Variants in ABCB1 observed in about 807,000 individuals in gnomAD.
ABCB1 encodes the protein ATP binding cassette subfamily B member 1.
In ABCB1, 69 loss-of-function variants were observed where a neutral mutation model predicts 142.0. The ratio of observed to expected loss-of-function variants is 0.49; its 90% CI spans 0.40 to 0.59. The LOEUF is 0.59. ABCB1 is among the 20% of genes least tolerant of loss of function. ABCB1 has a pLI of 0.00. For synonymous variants in ABCB1, 532 were observed against 539.2 expected, an observed-to-expected ratio of 0.99 and a Z score of 0.18; for missense variants, 1,326 against 1,554.7, an observed-to-expected ratio of 0.85 and a Z score of 2.47.
Position 87,546,562 on chromosome 7 carries a change from A to T in ABCB1, c.1726-538T>A, listed in dbSNP as rs112489538. 4.0e-3 allele frequency among the ~76,000 whole-genome samples: 598 copies of T among 148,154 alleles called. 2 individuals carry two copies. The highest frequency in any genetic ancestry group is 0.012 in the African/African-American group (474 of 40,314). On this transcript the variant is annotated intron_variant, in intron 14 of 27. Transcript: ENST00000622132. ...CAGAGTGAGACTCCATCTCAAAAAA[A>T]AAAAATAAAAAATAAAAAAATAATA...
At position 87,509,413 on chromosome 7, in the gene ABCB1, G is replaced by A. The variant is rs1455949602; in HGVS notation, c.3351C>T (p.Ser1117=). ...TGCAGTCAAACAGGATGGGCTCCTG[G>A]GACACGATGCCCAGGTGTGCTCGGA... is the stretch of plus-strand genomic sequence containing the variant. ...QWLRAHLGIV[S]QEPILFDCSI... Residue 1117 remains serine (S), a synonymous_variant, in exon 26 of 28, where the codon TCC becomes TCT. Transcript: ENST00000622132. 3 of 1,613,988 alleles carry A rather than the reference G, an allele frequency of 1.9e-6. No individual in the cohort carries two copies. Among genetic ancestry groups the A allele is most frequent in the Non-Finnish European group, 2.5e-6 (3 of 1,180,030 alleles).
chr7:87,654,359 G>A (rs1823873447), intron 1 of ABCB1, among the ~76,000 whole-genome samples: 1 of 151,978 alleles, frequency 6.6e-6, no homozygotes, highest in South Asian at 2.1e-4. Flanking sequence ...AGTTAAAACA[G>A]GATGTTACCA....
chr7:87,544,345 A>T, intron 16 of ABCB1, 70 bp from the exon 17 acceptor site: 1 of 1,465,976 alleles, frequency 6.8e-7, no homozygotes, highest in East Asian at 2.3e-5. Context: ...CATACGCACA[A>T]AAATTAGTAA....
Position 87,585,588 on chromosome 7 carries a change from C to G in ABCB1, c.210G>C (p.Leu70=). The G allele has an allele frequency of 6.2e-7, 1 of 1,613,994 alleles. No individual in the cohort carries two copies. Among genetic ancestry groups the G allele is most frequent in the Non-Finnish European group, 8.5e-7 (1 of 1,179,910 alleles). The change falls in exon 4 of 28, where the codon CTG becomes CTC. Residue 70 remains leucine (L), a synonymous_variant. Coordinates refer to ENST00000622132, the MANE Select transcript of ABCB1 (RefSeq NM_001348946.2). ...IHGAGLPLMM[L]VFGEMTDIFA... Reference sequence around the variant, plus strand: ...AGATATCTGTCATTTCTCCAAACACCAGCATCATGAGAGGAAGTCCAGCCC... The same window carrying G: ...AGATATCTGTCATTTCTCCAAACACGAGCATCATGAGAGGAAGTCCAGCCC...
intron 1 of ABCB1, among the ~76,000 whole-genome samples, chr7:87,608,500 G>A (rs1819738745): frequency 6.6e-6 from 1 of 152,108 alleles, no homozygotes; most frequent in South Asian, 2.1e-4. Context: ...ACACATATTT[G>A]GTTGGAACAA....
At chr7:87,510,546 T>C (rs573676008) in intron 25 of ABCB1, among the ~76,000 whole-genome samples, 13 of 152,386 alleles carry the variant, frequency 8.5e-5, no homozygotes, top group South Asian at 2.1e-4. Context: ...GTGAGAGAGC[T>C]GTTCATCCCT....
rs200294906 is a variant in ABCB1 at position 87,505,924 on chromosome 7, C to T, written c.3609G>A (p.Thr1203=). ...TTTCACTTTCTGTATCCAGAGCTGACGTGGCTTCATCCAAAAGCAAAATAT... is the reference window on the plus strand; with the variant it reads ...TTTCACTTTCTGTATCCAGAGCTGATGTGGCTTCATCCAAAAGCAAAATAT... The part of the protein sequence containing the change: ...QPHILLLDEA[T]SALDTESEKV... Residue 1203 remains threonine, a synonymous_variant, in exon 27 of 28, where the codon ACG becomes ACA. Coordinates refer to ENST00000622132, the MANE Select transcript of ABCB1 (RefSeq NM_001348946.2). 25 of 1,614,000 alleles carry T rather than the reference C, an allele frequency of 1.5e-5. No homozygotes were observed. Among genetic ancestry groups the T allele is most frequent in the Middle Eastern group, 1.6e-4 (1 of 6,084 alleles).
At chr7:87,616,725 A>G (rs996767321) in intron 1 of ABCB1, among the ~76,000 whole-genome samples, 1 of 152,234 alleles carries the variant, frequency 6.6e-6, no homozygotes, top group African/African-American at 2.4e-5. Context: ...TCAGAAAACC[A>G]AAGTACATAG....
At chr7:87,656,939 A>G (rs1281039764) in intron 1 of ABCB1, among the ~76,000 whole-genome samples, 3 of 152,184 alleles carry the variant, frequency 2.0e-5, no homozygotes, top group Non-Finnish European at 4.4e-5. Context: ...TGCTGGGCAT[A>G]CAGTAGGGAA....
At chr7:87,626,759 A>ATATATATGTCATATATG (rs1820672705) in intron 1 of ABCB1, among the ~76,000 whole-genome samples, 1 of 47,412 alleles carries the variant, frequency 2.1e-5, no homozygotes, top group East Asian at 8.5e-4. Context: ...TGTCATATAT[A>ATATATATGTCATATATG]TGTCATATAT....
chr7:87,612,565 G>A (rs1384110656), intron 1 of ABCB1, among the ~76,000 whole-genome samples: 1 of 152,022 alleles, frequency 6.6e-6, no homozygotes, highest in Non-Finnish European at 1.5e-5. Flanking sequence ...AAGATCAGTT[G>A]GCTGTAAGTA....
At chr7:87,659,300 C>A in intron 1 of ABCB1, 1 of 356,944 alleles carries the variant, frequency 2.8e-6, no homozygotes, top group South Asian at 2.3e-5. Flanking sequence ...TCTCTGTTTT[C>A]TTTTTTCTGT....
At chr7:87,523,173 G>A (rs1213858173) in intron 21 of ABCB1, among the ~76,000 whole-genome samples, 1 of 152,114 alleles carries the variant, frequency 6.6e-6, no homozygotes, top group Non-Finnish European at 1.5e-5. Context: ...ATTCACAGGT[G>A]TGATCATCAT....
At chr7:87,643,099 A>G (rs1822614021) in intron 1 of ABCB1, among the ~76,000 whole-genome samples, 2 of 152,052 alleles carry the variant, frequency 1.3e-5, no homozygotes. Flanking sequence ...ACATTTCCTT[A>G]TAGAGATGGG....
At chr7:87,649,078 C>G (rs1248353065) in intron 1 of ABCB1, among the ~76,000 whole-genome samples, 1 of 152,088 alleles carries the variant, frequency 6.6e-6, no homozygotes, top group Non-Finnish European at 1.5e-5. Flanking sequence ...AACAGCTCCC[C>G]TTATCTTCTT....
At chr7:87,576,463 A>T (rs1238393355) in intron 4 of ABCB1, among the ~76,000 whole-genome samples, 1 of 149,672 alleles carries the variant, frequency 6.7e-6, no homozygotes, top group Non-Finnish European at 1.5e-5. Flanking sequence ...GTAAGTATAT[A>T]TAGATACTTT....
intron 1 of ABCB1, among the ~76,000 whole-genome samples, chr7:87,695,861 A>G (rs1302279440): frequency 6.6e-6 from 1 of 152,110 alleles, no homozygotes; most frequent in Non-Finnish European, 1.5e-5. Flanking sequence ...GTAAATAGAT[A>G]TCTCACTTAA....
chr7:87,655,637 C>G (rs561295155), intron 1 of ABCB1, among the ~76,000 whole-genome samples: 22 of 152,186 alleles, frequency 1.4e-4, no homozygotes, highest in African/African-American at 4.6e-4. Flanking sequence ...TTCAAGAGAT[C>G]TATTGTACAA....
intron 1 of ABCB1, among the ~76,000 whole-genome samples, chr7:87,636,399 C>T (rs568089800): frequency 6.6e-6 from 1 of 152,276 alleles, no homozygotes; most frequent in East Asian, 1.9e-4. Flanking sequence ...ATTCAAGTCA[C>T]TTAGCAACTG....
Sources: gnomAD v4.1 joint callset for allele counts (sites outside exome capture counted in the v4.1 genomes callset) on GRCh38, gnomAD v4.1.1 for gene constraint, MANE v1.5 for transcripts, NCBI Gene and HGNC (gene_info 2026-07-23, HGNC 2026-07-21) for gene names.